The following GABRG3 variants were observed in gnomAD, a reference collection of about 807,000 sequenced individuals.
GABRG3 encodes the protein gamma-aminobutyric acid receptor subunit gamma-3.
GABRG3 carries 25 observed loss-of-function variants against 48.8 expected under a neutral mutation model. That is an observed-to-expected ratio of 0.51 (90% confidence interval 0.37 to 0.72). GABRG3 has a LOEUF of 0.72. GABRG3 is among the 30% of genes least tolerant of loss of function. The pLI is 0.00. For missense variants in GABRG3, 394 were observed against 577.9 expected (o/e 0.68, Z 3.26); for synonymous variants, 227 against 217.6 (o/e 1.04, Z -0.38).
chr15:27,046,323 C>T lies in GABRG3; in HGVS notation c.270+19502C>T, dbSNP rs183371253. ...TTCTCCATGTTTGTCAGGCTGGTCT[C>T]GAACTCCTGACCTCAGGTGATCCAC... On this transcript the variant is annotated intron_variant, in intron 3 of 9. Transcript: ENST00000615808. Among the ~76,000 whole-genome samples, 13 of 151,490 alleles carry T rather than the reference C, an allele frequency of 8.6e-5. No homozygotes were observed. In the East Asian group the frequency reaches 2.0e-3, roughly 23 times the overall value.
At chr15:27,307,393 A>T (rs868602003) in intron 3 of GABRG3, among the ~76,000 whole-genome samples, 1 of 37,016 alleles carries the variant, frequency 2.7e-5, no homozygotes, top group Admixed American at 2.8e-4. Flanking sequence ...ATATATAACC[A>T]TATAGGTTTA....
chr15:26,972,667 G>A (rs1743627512), intron 1 of GABRG3, among the ~76,000 whole-genome samples: 1 of 152,182 alleles, frequency 6.6e-6, no homozygotes, highest in Non-Finnish European at 1.5e-5. Flanking sequence ...AGGAGGCAAT[G>A]CCAGGAGGCC....
At chr15:27,094,299 A>G (rs1317244619) in intron 3 of GABRG3, among the ~76,000 whole-genome samples, 1 of 152,162 alleles carries the variant, frequency 6.6e-6, no homozygotes, top group Non-Finnish European at 1.5e-5. Context: ...GCCGGAGTGC[A>G]TGGCCCAAGG....
chr15:27,308,303 T>TACGTTTATATATAAAC (rs1892797185), intron 3 of GABRG3, among the ~76,000 whole-genome samples: 7 of 120,560 alleles, frequency 5.8e-5, no homozygotes, highest in African/African-American at 3.0e-4. Context: ...ATAAACATCA[T>TACGTTTATATATAAAC]ATAAACATAT....
intron 5 of GABRG3, among the ~76,000 whole-genome samples, chr15:27,472,917 G>A (rs1889829047): frequency 6.6e-6 from 1 of 152,058 alleles, no homozygotes; most frequent in Non-Finnish European, 1.5e-5. Context: ...CTATGGAGAT[G>A]AATGTATGAT....
At chr15:27,469,756 A>C (rs1157669268) in intron 5 of GABRG3, among the ~76,000 whole-genome samples, 1 of 152,214 alleles carries the variant, frequency 6.6e-6, no homozygotes, top group Admixed American at 6.5e-5. Context: ...TCATGGTGTC[A>C]TGTAAGGTGT....
At chr15:27,445,097 T>C (rs1204003126) in intron 5 of GABRG3, among the ~76,000 whole-genome samples, 3 of 152,152 alleles carry the variant, frequency 2.0e-5, no homozygotes, top group Non-Finnish European at 4.4e-5. Context: ...GGTCTCGAAC[T>C]CCTGACCTGA....
intron 5 of GABRG3, among the ~76,000 whole-genome samples, chr15:27,429,746 G>A (rs887289696): frequency 4.6e-5 from 7 of 152,096 alleles, no homozygotes; most frequent in East Asian, 1.9e-4. Flanking sequence ...TATTAGTACC[G>A]CATTCCTTTG....
At chr15:27,312,907 A>G (rs1445224571) in intron 3 of GABRG3, among the ~76,000 whole-genome samples, 1 of 151,864 alleles carries the variant, frequency 6.6e-6, no homozygotes, top group African/African-American at 2.4e-5. Context: ...ATCACTTTTA[A>G]TTCTAGTCTA....
At chr15:27,492,880 A>G (rs1425395098) in intron 6 of GABRG3, among the ~76,000 whole-genome samples, 4 of 152,230 alleles carry the variant, frequency 2.6e-5, no homozygotes, top group Non-Finnish European at 5.9e-5. Context: ...TAAGAAGACT[A>G]AGAAAGATTT....
intron 2 of GABRG3, among the ~76,000 whole-genome samples, chr15:26,984,092 T>G (rs1895106597): frequency 6.6e-6 from 1 of 152,102 alleles, no homozygotes; most frequent in South Asian, 2.1e-4. Context: ...CTAGCATCAG[T>G]TTTTTCATCT....
intron 3 of GABRG3, among the ~76,000 whole-genome samples, chr15:27,043,704 G>A (rs892775939): frequency 6.6e-6 from 1 of 152,190 alleles, no homozygotes; most frequent in Non-Finnish European, 1.5e-5. Flanking sequence ...TTAACAGTGT[G>A]AGTTAGTTAC....
chr15:27,234,379 A>T (rs1037558518), intron 3 of GABRG3, among the ~76,000 whole-genome samples: 1 of 152,042 alleles, frequency 6.6e-6, no homozygotes, highest in Non-Finnish European at 1.5e-5. Flanking sequence ...TGATCTTTGG[A>T]GGTACATTTA....
chr15:27,511,035 ACACATTCC>A (rs2150858453), intron 6 of GABRG3, among the ~76,000 whole-genome samples: 1 of 152,354 alleles, frequency 6.6e-6, no homozygotes, highest in South Asian at 2.1e-4. Context: ...GATTTTTACC[ACACATTCC>A]TCTCTGGAAA....
chr15:27,254,739 G>T (rs942966723), intron 3 of GABRG3, among the ~76,000 whole-genome samples: 1 of 152,064 alleles, frequency 6.6e-6, no homozygotes, highest in Non-Finnish European at 1.5e-5. Flanking sequence ...ATCACTTTGG[G>T]AGATAGATTT....
intron 3 of GABRG3, among the ~76,000 whole-genome samples, chr15:27,171,274 C>CATCAAATTTTTA (rs1278094005): frequency 2.0e-5 from 3 of 152,168 alleles, no homozygotes; most frequent in African/African-American, 7.2e-5. Flanking sequence ...TGAATATCTG[C>CATCAAATTTTTA]ATCAAATTTT....
At chr15:27,111,500 C>T (rs963811939) in intron 3 of GABRG3, among the ~76,000 whole-genome samples, 4 of 152,086 alleles carry the variant, frequency 2.6e-5, no homozygotes, top group African/African-American at 9.7e-5. Context: ...GTCAATAGGC[C>T]TGTAGGGTGA....
At chr15:27,394,529 T>C (rs748973700) in intron 5 of GABRG3, among the ~76,000 whole-genome samples, 3 of 152,156 alleles carry the variant, frequency 2.0e-5, no homozygotes, top group Non-Finnish European at 4.4e-5. Flanking sequence ...ACCTATATAA[T>C]TACATTTACC....
chr15:26,994,122 C>T (rs770724344), intron 2 of GABRG3, among the ~76,000 whole-genome samples: 8 of 151,912 alleles, frequency 5.3e-5, no homozygotes, highest in Non-Finnish European at 1.2e-4. Context: ...TTGTAGGCAA[C>T]AGATCAGATC....
Sources: gnomAD v4.1 joint callset for allele counts (sites outside exome capture counted in the v4.1 genomes callset) on GRCh38, gnomAD v4.1.1 for gene constraint, MANE v1.5 for transcripts, NCBI Gene and HGNC (gene_info 2026-07-23, HGNC 2026-07-21) for gene names.